ANKRD53: variants seen among roughly 807,000 people sequenced by gnomAD.
ANKRD53 encodes ankyrin repeat domain-containing protein 53.
A neutral mutation model predicts 30.1 loss-of-function variants in ANKRD53; 27 were observed. That is an observed-to-expected ratio of 0.90 (90% CI 0.66 to 1.24). The LOEUF (loss-of-function observed/expected upper bound fraction) is 1.24, where lower values mean the gene tolerates loss of function less well. Ranked by LOEUF, ANKRD53 falls within the 50% of genes most tolerant of loss-of-function variation. The pLI is 0.00. For missense variants in ANKRD53, 682 were observed against 721.0 expected (o/e 0.95, Z 0.62); for synonymous variants, 286 against 295.4 (o/e 0.97, Z 0.33).
intron 3 of ANKRD53, among the ~76,000 whole-genome samples, chr2:70,980,925 G>A (rs1270982263): frequency 5.3e-5 from 8 of 151,838 alleles, no homozygotes; most frequent in African/African-American, 9.7e-5. Context: ...CAGCCTGGGC[G>A]ACAGAGCGAG....
At chr2:70,979,382 C>T (rs1553423102) in intron 2 of ANKRD53, 39 bp downstream of exon 2, 1 of 1,611,644 alleles carries the variant, frequency 6.2e-7, no homozygotes, top group East Asian at 2.2e-5. Context: ...CGAGGTCCCT[C>T]TCCCGCTACG....
chr2:70,979,240 C>A lies in ANKRD53; in HGVS notation c.314C>A (p.Ala105Glu). The change falls in exon 2 of 6, where the codon GCG (alanine) becomes GAG (glutamate). Residue 105 changes from alanine to glutamate, a missense_variant. By Grantham distance (107) the Ala-to-Glu change is moderately radical. Transcript: ENST00000360589. ...ESDQTAIDQTAIGSYYQLFAA... is the reference protein window; with the variant it reads ...ESDQTAIDQTEIGSYYQLFAA... ...GACCAGACGGCAATCGACCAGACGG[C>A]GATCGGGAGCTACTACCAGCTGTTC... is the stretch of plus-strand genomic sequence containing the variant. The A allele has an allele frequency of 1.2e-6, 2 of 1,613,510 alleles. No individual in the cohort carries two copies. The highest frequency in any genetic ancestry group is 2.7e-5 in the African/African-American group (2 of 75,044).
chr2:70,984,053 T>C, intron 5 of ANKRD53: 1 of 1,482,810 alleles, frequency 6.7e-7, no homozygotes. Context: ...ACATGACTTC[T>C]CAAGGCCCAC....
In ANKRD53 at chr2:70,979,021, C is replaced by CG. The variant is rs879972948; in HGVS notation, c.171-71dup. The CG allele has an allele frequency of 4.1e-4, 609 of 1,475,766 alleles. 2 individuals carry two copies. The highest frequency in any genetic ancestry group is 5.1e-4 in the Non-Finnish European group (569 of 1,121,172). 91.4% of individuals were successfully genotyped at this position (1,475,766 alleles called of 1,614,324 possible). A position where few individuals can be genotyped will look rare whatever the true frequency, so the allele number is the denominator to read the frequency against. On this transcript the variant is annotated intron_variant, in intron 1 of 5. Coordinates refer to ENST00000360589, the MANE Select transcript of ANKRD53 (RefSeq NM_001115116.2). ...CCCACTGCCCCGCCCACCAGCCAGG[C>CG]GGGGGCCAGGGATCGCCTCCCGAGA...
In ANKRD53 at chr2:70,985,250, C is replaced by A. The variant is rs61732288; in HGVS notation, c.1543C>A (p.Arg515=). The A allele has an allele frequency of 7.2e-3, 11,243 of 1,550,932 alleles. 681 individuals carry two copies. The African/African-American group carries it at 0.14, about 19-fold the overall frequency. Residue 515 remains arginine, a synonymous_variant, in exon 6 of 6, where the codon CGA becomes AGA. Coordinates refer to ENST00000360589, the MANE Select transcript of ANKRD53 (RefSeq NM_001115116.2). ...TFDEAFLAAV[R]SHQGLPTLPS... ...CGATGAAGCCTTCCTGGCAGCTGTG[C>A]GATCTCATCAAGGACTCCCCACCCT...
Position 70,979,204 on chromosome 2 carries a change from G to C in ANKRD53, c.278G>C (p.Ser93Thr). The change falls in exon 2 of 6, where the codon AGC (serine) becomes ACC (threonine). Residue 93 changes from serine (S) to threonine (T), a missense_variant. Ser to Thr is a moderately conservative substitution (Grantham distance 58, BLOSUM62 1). Coordinates refer to ENST00000360589, the MANE Select transcript of ANKRD53 (RefSeq NM_001115116.2). ...LTPPRADPSP[S>T]KESDQTAIDQ... ...CCGCCCCGCGCTGACCCCAGCCCCA[G>C]CAAGGAGTCCGACCAGACGGCAATC... 1 of 1,613,204 alleles carries C rather than the reference G, an allele frequency of 6.2e-7. No individual in the cohort carries two copies. Among genetic ancestry groups the C allele is most frequent in the Non-Finnish European group, 8.5e-7 (1 of 1,179,942 alleles).
In ANKRD53 at chr2:70,984,889, A is replaced by AC. The variant is rs781977756; in HGVS notation, c.1188dup (p.Thr397HisfsTer33). ...GGAATGTTAGCAACAACCCCGCCAG[A>AC]CCCCCCACCACCCAGATCAGCCACT... On this transcript the variant is annotated frameshift_variant, in exon 6 of 6. Coordinates refer to ENST00000360589, the MANE Select transcript of ANKRD53 (RefSeq NM_001115116.2). LOFTEE classifies it low-confidence loss of function (END_TRUNC). 1.3e-6 allele frequency: 2 copies of AC among 1,549,976 alleles called. No homozygotes were observed. Among genetic ancestry groups the AC allele is most frequent in the Non-Finnish European group, 1.7e-6 (2 of 1,146,790 alleles).
intron 3 of ANKRD53, among the ~76,000 whole-genome samples, chr2:70,980,318 CAAAA>C (rs35991485): frequency 2.6e-5 from 2 of 76,208 alleles, no homozygotes. Flanking sequence ...TCCGTCTCAA[CAAAA>C]AAAAAAAAAA....
Position 70,985,359 on chromosome 2 carries a change from T to G in ANKRD53, c.*59T>G. On this transcript the variant is annotated 3_prime_UTR_variant, in exon 6 of 6. Coordinates refer to ENST00000360589, the MANE Select transcript of ANKRD53 (RefSeq NM_001115116.2). ...CCAGTGAAGGCTGAAGTGTGGCAATTCACGTTGTGGGTGGCGAGGAAAGGG... is the reference window on the plus strand; with the variant it reads ...CCAGTGAAGGCTGAAGTGTGGCAATGCACGTTGTGGGTGGCGAGGAAAGGG... The G allele has an allele frequency of 6.8e-7, 1 of 1,466,586 alleles. No homozygotes were observed. The highest frequency in any genetic ancestry group is 9.2e-7 in the Non-Finnish European group (1 of 1,085,586). 90.8% of individuals were successfully genotyped at this position (1,466,586 alleles called of 1,614,324 possible). A position where few individuals can be genotyped will look rare whatever the true frequency, so the allele number is the denominator to read the frequency against.
chr2:70,982,520 C>A lies in ANKRD53; in HGVS notation c.783-57C>A, dbSNP rs1670041832. On this transcript the variant is annotated intron_variant, in intron 4 of 5. Coordinates refer to ENST00000360589, the MANE Select transcript of ANKRD53 (RefSeq NM_001115116.2). This position sits in a 1 kb window ranked among gnomAD's most constrained non-coding sequence, Gnocchi z 4.2. ...CCTCAGCAGCAGCCAGTCTTCCCAG[C>A]CCAGGTGGAAGCTCTGTCACTGTGG... The A allele has an allele frequency of 6.2e-6, 10 of 1,601,158 alleles. 1 individual carries two copies. In the East Asian group the frequency reaches 2.0e-4, roughly 32 times the overall value.
chr2:70,979,271 G>C lies in ANKRD53; in HGVS notation c.345G>C (p.Ala115=). The C allele has an allele frequency of 6.2e-7, 1 of 1,613,788 alleles. No individual in the cohort carries two copies. The highest frequency in any genetic ancestry group is 8.5e-7 in the Non-Finnish European group (1 of 1,180,040). The change falls in exon 2 of 6, where the codon GCG becomes GCC. Residue 115 remains alanine, a synonymous_variant. Transcript: ENST00000360589. ...GGAGCTACTACCAGCTGTTCGCAGC[G>C]GCTGTGGGCAACGTGGAATGGCTGC... ...AIGSYYQLFA[A]AVGNVEWLRF...
At position 70,985,356 on chromosome 2, in the gene ANKRD53, A is replaced by C; in HGVS notation, c.*56A>C. The C allele has an allele frequency of 6.8e-7, 1 of 1,471,618 alleles. No homozygotes were observed. Among genetic ancestry groups the C allele is most frequent in the Non-Finnish European group, 9.2e-7 (1 of 1,091,294 alleles). 91.2% of individuals were successfully genotyped at this position (1,471,618 alleles called of 1,614,324 possible). On this transcript the variant is annotated 3_prime_UTR_variant, in exon 6 of 6. Transcript: ENST00000360589. ...AGCCCAGTGAAGGCTGAAGTGTGGC[A>C]ATTCACGTTGTGGGTGGCGAGGAAA...
chr2:70,981,954 C>T lies in ANKRD53; in HGVS notation c.636C>T (p.Ser212=). 2 of 1,596,050 alleles carry T rather than the reference C, an allele frequency of 1.3e-6. No homozygotes were observed. The highest frequency in any genetic ancestry group is 8.5e-7 in the Non-Finnish European group (1 of 1,170,702). The change falls in exon 4 of 6, where the codon TCC becomes TCT. Residue 212 remains serine (S), a synonymous_variant. Transcript: ENST00000360589. ...ADLNAQTCNG[S]TPLHLAARDG... is the part of the protein sequence containing the mutation. ...TCCACAGTCAGACATGCAACGGCTC[C>T]ACGCCCCTGCACCTGGCAGCCCGTG...
At chr2:70,981,005 G>A (rs1279942823) in intron 3 of ANKRD53, among the ~76,000 whole-genome samples, 21 of 152,174 alleles carry the variant, frequency 1.4e-4, no homozygotes, top group Admixed American at 1.2e-3. Flanking sequence ...GTGATTTAAT[G>A]GGTCTGTGGT....
chr2:70,985,204 C>T lies in ANKRD53; in HGVS notation c.1497C>T (p.Ala499=), dbSNP rs782773700. The stretch of plus-strand genomic sequence containing the variant: ...ACACCTTCTGGACCGACACTCTGGC[C>T]ATGAACCTGCGTGACACATTCGATG... ...GDNTFWTDTL[A]MNLRDTFDEA... Residue 499 remains alanine, a synonymous_variant, in exon 6 of 6, where the codon GCC becomes GCT. Coordinates refer to ENST00000360589, the MANE Select transcript of ANKRD53 (RefSeq NM_001115116.2). 1 of 1,551,386 alleles carries T rather than the reference C, an allele frequency of 6.4e-7. No homozygotes were observed. Among genetic ancestry groups the T allele is most frequent in the East Asian group, 2.4e-5 (1 of 40,924 alleles).
intron 3 of ANKRD53, 146 bp from the exon 4 acceptor site, chr2:70,981,789 GT>G: frequency 2.5e-6 from 2 of 791,438 alleles, no homozygotes; most frequent in Non-Finnish European, 3.7e-6. Context: ...GGAAATTGAG[GT>G]GCCAAAAGGG....
At position 70,979,102 on chromosome 2, in the gene ANKRD53, C is replaced by T. The variant is rs782719346; in HGVS notation, c.176C>T (p.Pro59Leu). The T allele has an allele frequency of 2.5e-6, 4 of 1,596,102 alleles. No homozygotes were observed. In the South Asian group the frequency reaches 4.4e-5, roughly 18 times the overall value. Residue 59 changes from proline (P) to leucine (L), a missense_variant, in exon 2 of 6, where the codon CCC becomes CTC. Physicochemically the swap from Pro to Leu is moderately conservative, Grantham distance 98 (BLOSUM62 -3). Transcript: ENST00000360589. Reference protein sequence around the residue: ...TDAESKQPSQPLPDLADHLSA... With the variant: ...TDAESKQPSQLLPDLADHLSA... ...CCCACTGCCCCGCCCTCCAGCCAGCCCCTGCCCGACCTCGCAGACCACCTC... is the reference window on the plus strand; with the variant it reads ...CCCACTGCCCCGCCCTCCAGCCAGCTCCTGCCCGACCTCGCAGACCACCTC...
chr2:70,985,407 C>A lies in ANKRD53; in HGVS notation c.*107C>A, dbSNP rs2104865851. 2.9e-6 allele frequency: 3 copies of A among 1,035,624 alleles called. No individual in the cohort carries two copies. The South Asian group carries it at 4.8e-5, about 17-fold the overall frequency. The allele number at this position is 1,035,624 out of a possible 1,614,324, so 64.2% of individuals were successfully genotyped here. A position where few individuals can be genotyped will look rare whatever the true frequency, so the allele number is the denominator to read the frequency against. ...GGGGGAGGGGTGCCTATGGGCTTCC[C>A]ACTCCCAAGCTCGAGGAGTCACCCT... On this transcript the variant is annotated 3_prime_UTR_variant, in exon 6 of 6. Coordinates refer to ENST00000360589, the MANE Select transcript of ANKRD53 (RefSeq NM_001115116.2).
Position 70,978,858 on chromosome 2 carries a change from C to T in ANKRD53, c.170+43C>T, listed in dbSNP as rs1669907569. 6.5e-7 allele frequency: 1 copy of T among 1,532,274 alleles called. No homozygotes were observed. 94.9% of individuals were successfully genotyped at this position (1,532,274 alleles called of 1,614,324 possible). On this transcript the variant is annotated intron_variant, in intron 1 of 5. Transcript: ENST00000360589. The surrounding 1 kb of genome is among the most constrained non-coding windows in gnomAD (Gnocchi z 4.3). ...GTGTCCCGGCTGCAGGGAGCGAGAA[C>T]CCGGCCCAGCGCCTCCCTGGTGGGC...
Sources: allele counts gnomAD v4.1 joint callset (sites outside exome capture counted in the v4.1 genomes callset), GRCh38; gene constraint gnomAD v4.1.1; non-coding constraint Gnocchi (gnomAD v3.1); transcripts MANE v1.5; gene names NCBI Gene and HGNC (gene_info 2026-07-23, HGNC 2026-07-21).